TRDN: variants seen among roughly 807,000 people sequenced by gnomAD.
TRDN encodes triadin in skeletal muscle.
Under a neutral mutation model 149.7 loss-of-function variants are expected in TRDN, and 161 were observed. That is an observed-to-expected ratio of 1.08 (90% CI 0.95 to 1.23). The LOEUF (loss-of-function observed/expected upper bound fraction) is 1.23, where lower values mean the gene tolerates loss of function less well. TRDN is among the 50% of genes most tolerant of loss of function. TRDN has a pLI of 0.00. For synonymous variants in TRDN, 294 were observed against 250.5 expected (o/e 1.17, Z -1.64); for missense variants, 896 against 823.5 (o/e 1.09, Z -1.08).
intron 38 of TRDN, among the ~76,000 whole-genome samples, chr6:123,226,395 A>G (rs959242180): frequency 1.3e-5 from 2 of 151,902 alleles, no homozygotes; most frequent in African/African-American, 4.8e-5. Context: ...CGTGTCCAAA[A>G]GGAACATATA....
At chr6:123,613,193 T>C (rs1157698235) in intron 1 of TRDN, among the ~76,000 whole-genome samples, 1 of 152,176 alleles carries the variant, frequency 6.6e-6, no homozygotes, top group Non-Finnish European at 1.5e-5. Context: ...GCCAACAGTA[T>C]CCTAGAAAAC....
At chr6:123,267,825 A>G in intron 31 of TRDN, 74 bp from the exon 32 acceptor site, 2 of 1,192,444 alleles carry the variant, frequency 1.7e-6, no homozygotes, top group African/African-American at 1.6e-5. Context: ...TATATTTGCA[A>G]GTGATCCTCA....
At chr6:123,259,738 T>C in intron 34 of TRDN, 76 bp from the exon 35 acceptor site, 2 of 1,057,602 alleles carry the variant, frequency 1.9e-6, no homozygotes, top group Admixed American at 2.9e-5. Context: ...GAGTAAACAG[T>C]TGGAGATGAG....
At position 123,260,645 on chromosome 6, in the gene TRDN, A is replaced by T; in HGVS notation, c.1805-7T>A. ...GTGACTTCTGATGTTCCTTCTTTAG[A>T]AAAAAAAAAAAAAAGAATGTAGAAA... is the stretch of plus-strand genomic sequence containing the variant. On this transcript the variant is annotated splice_region_variant and splice_polypyrimidine_tract_variant and intron_variant, in intron 33 of 40. Transcript: ENST00000334268. 4.2e-5 allele frequency: 33 copies of T among 780,170 alleles called. No homozygotes were observed. Among genetic ancestry groups the T allele is most frequent in the Admixed American group, 2.4e-4 (3 of 12,638 alleles). The allele number at this position is 780,170 out of a possible 1,614,324, so 48.3% of individuals were successfully genotyped here. A position where few individuals can be genotyped will look rare whatever the true frequency, so the allele number is the denominator to read the frequency against.
chr6:123,294,262 C>T (rs1778112579), intron 24 of TRDN, among the ~76,000 whole-genome samples: 1 of 152,084 alleles, frequency 6.6e-6, no homozygotes, highest in Non-Finnish European at 1.5e-5. Flanking sequence ...GGGCACTGAC[C>T]CCAGCTATAT....
intron 24 of TRDN, among the ~76,000 whole-genome samples, chr6:123,309,678 T>C (rs569095463): frequency 1.3e-5 from 2 of 152,018 alleles, no homozygotes; most frequent in South Asian, 2.1e-4. Flanking sequence ...TACATAGTTT[T>C]TTTTCAATAA....
intron 9 of TRDN, chr6:123,468,755 C>T (rs1776983724): frequency 1.3e-5 from 2 of 152,160 alleles, no homozygotes; most frequent in African/African-American, 2.4e-5. Flanking sequence ...CTCCCTCTGT[C>T]TTGTAACAAA....
chr6:123,315,239 C>A (rs1395963179), intron 24 of TRDN, among the ~76,000 whole-genome samples: 2 of 151,776 alleles, frequency 1.3e-5, no homozygotes, highest in East Asian at 3.9e-4. Flanking sequence ...CGCAGTTTTT[C>A]CTTTTCTGAA....
At chr6:123,446,346 C>A (rs1455576308) in intron 10 of TRDN, among the ~76,000 whole-genome samples, 5 of 151,866 alleles carry the variant, frequency 3.3e-5, no homozygotes, top group South Asian at 4.2e-4. Context: ...TGTAACTAAC[C>A]TGCACAATGT....
chr6:123,575,186 G>C (rs1562399643), intron 1 of TRDN, among the ~76,000 whole-genome samples: 2 of 151,542 alleles, frequency 1.3e-5, no homozygotes, highest in African/African-American at 4.9e-5. Flanking sequence ...TATGTTCTGA[G>C]TATACAACCC....
At chr6:123,385,499 A>G (rs1781878034) in intron 14 of TRDN, among the ~76,000 whole-genome samples, 1 of 152,022 alleles carries the variant, frequency 6.6e-6, no homozygotes, top group Non-Finnish European at 1.5e-5. Flanking sequence ...TAATTTTCTG[A>G]TAGCCTACTA....
intron 38 of TRDN, among the ~76,000 whole-genome samples, chr6:123,251,428 T>C (rs549383574): frequency 5.3e-5 from 8 of 152,144 alleles, no homozygotes; most frequent in Non-Finnish European, 1.0e-4. Flanking sequence ...AAAAAAAGAA[T>C]GTAGGGATAA....
At chr6:123,585,329 G>A (rs1437958494) in intron 1 of TRDN, among the ~76,000 whole-genome samples, 3 of 151,916 alleles carry the variant, frequency 2.0e-5, no homozygotes, top group East Asian at 1.9e-4. Context: ...TGTCTAATTT[G>A]GCACCAGAGT....
chr6:123,503,730 T>C lies in TRDN; in HGVS notation c.782A>G (p.His261Arg), dbSNP rs1462345183. Residue 261 changes from histidine (H) to arginine (R), a missense_variant, in exon 8 of 41, where the codon CAT becomes CGT. Physicochemically the swap from His to Arg is conservative, Grantham distance 29. Transcript: ENST00000334268. Reference protein sequence around the residue: ...EDKEKAAVSKHEQKDQYAFCR... With the variant: ...EDKEKAAVSKREQKDQYAFCR... ...CTCTGAATGTTTACCTTTCTGTTCATGCTTTGACACAGCTGCTTTCTCTTT... is the reference window on the plus strand; with the variant it reads ...CTCTGAATGTTTACCTTTCTGTTCACGCTTTGACACAGCTGCTTTCTCTTT... The C allele has an allele frequency of 1.2e-6, 2 of 1,613,668 alleles. No individual in the cohort carries two copies. The highest frequency in any genetic ancestry group is 2.7e-5 in the African/African-American group (2 of 74,916).
intron 38 of TRDN, among the ~76,000 whole-genome samples, chr6:123,230,876 C>T (rs548881838): frequency 6.6e-6 from 1 of 151,900 alleles, no homozygotes; most frequent in Non-Finnish European, 1.5e-5. Flanking sequence ...TTTCCAGCAA[C>T]AACTATGAGA....
intron 23 of TRDN, among the ~76,000 whole-genome samples, chr6:123,324,866 T>C (rs1420876827): frequency 6.6e-6 from 1 of 152,186 alleles, no homozygotes; most frequent in East Asian, 1.9e-4. Flanking sequence ...TTTGGCATAA[T>C]GGACATAACA....
chr6:123,359,795 A>C (rs558205745), intron 20 of TRDN, among the ~76,000 whole-genome samples: 8 of 152,158 alleles, frequency 5.3e-5, no homozygotes, highest in Admixed American at 1.3e-4. Flanking sequence ...TCCTGGGTTC[A>C]CGCCATTCTC....
At chr6:123,323,446 A>G (rs9388223) in intron 23 of TRDN, among the ~76,000 whole-genome samples, 27,477 of 152,034 alleles carry the variant, frequency 0.18, 3,502 homozygotes, top group East Asian at 0.63. Flanking sequence ...TCCCTCTTAC[A>G]CACCTCTCAA....
intron 4 of TRDN, among the ~76,000 whole-genome samples, chr6:123,543,979 G>GCAAGTA (rs1780983947): frequency 6.6e-6 from 1 of 151,852 alleles, no homozygotes; most frequent in African/African-American, 2.4e-5. Flanking sequence ...CATATTCTGT[G>GCAAGTA]ATTTCACATC....
Sources: allele counts gnomAD v4.1 joint callset (sites outside exome capture counted in the v4.1 genomes callset), GRCh38; gene constraint gnomAD v4.1.1; transcripts MANE v1.5; gene names NCBI Gene and HGNC (gene_info 2026-07-23, HGNC 2026-07-21).